The following GALNT16 variants were observed in gnomAD, a reference collection of about 807,000 sequenced individuals.
GALNT16 encodes UDP-GalNAc:polypeptide N-acetylgalactosaminyltransferase-like protein 1.
In GALNT16, 40 loss-of-function variants were observed where a neutral mutation model predicts 76.1. The ratio of observed to expected loss-of-function variants is 0.53; its 90% CI spans 0.41 to 0.68. The LOEUF is 0.68. GALNT16 is among the 30% of genes least tolerant of loss of function. GALNT16 has a pLI of 0.00. For synonymous variants in GALNT16, 276 were observed against 285.2 expected (o/e 0.97, Z 0.32); for missense variants, 621 against 731.9 (o/e 0.85, Z 1.75).
Position 69,333,802 on chromosome 14 carries a change from G to T in GALNT16, c.967+202G>T. The T allele has an allele frequency of 1.8e-6, 1 of 543,404 alleles. No individual in the cohort carries two copies. The highest frequency in any genetic ancestry group is 3.7e-5 in the Admixed American group (1 of 26,840). 33.7% of individuals were successfully genotyped at this position (543,404 alleles called of 1,614,324 possible). The stretch of plus-strand genomic sequence containing the variant: ...AAAACCCAAGGCACAGAGAAGTTAA[G>T]CAATTTGTCCAGAGCCACACAGCTA... On this transcript the variant is annotated intron_variant, in intron 9 of 14. Transcript: ENST00000448469. The surrounding 1 kb of genome is among the most constrained non-coding windows in gnomAD (Gnocchi z 4.2).
chr14:69,371,223 A>C, the GALNT16 span, among the ~76,000 whole-genome samples: 32 of 151,794 alleles, frequency 2.1e-4, no homozygotes, highest in East Asian at 4.7e-3. Flanking sequence ...ATGTTTTTAG[A>C]CTTCTTTCTG....
intron 4 of GALNT16, 86 bp downstream of exon 4, chr14:69,325,490 G>A: frequency 2.4e-6 from 2 of 842,968 alleles, no homozygotes; most frequent in South Asian, 1.3e-5. Context: ...CCCTGAGGTT[G>A]TCCTGACCAT....
downstream of GALNT16, among the ~76,000 whole-genome samples, chr14:69,359,615 AG>A (rs2045711931): frequency 6.6e-6 from 1 of 152,206 alleles, no homozygotes; most frequent in Non-Finnish European, 1.5e-5. Flanking sequence ...TGAGGAGGGG[AG>A]GCTCAGTTGA....
At chr14:69,369,132 T>A in the GALNT16 span, among the ~76,000 whole-genome samples, 1 of 152,248 alleles carries the variant, frequency 6.6e-6, no homozygotes, top group African/African-American at 2.4e-5. Context: ...GGAAGATCAA[T>A]TAGGAAACTA....
chr14:69,260,440 C>G lies in GALNT16; in HGVS notation c.150C>G (p.Leu50=), dbSNP rs760758692. The change falls in exon 1 of 15, where the codon CTC becomes CTG. Residue 50 remains leucine, a synonymous_variant. Transcript: ENST00000448469. ...AQRAGRRSEQ[L]REDRTIPLIV... Reference sequence around the variant, plus strand: ...GGGCAGGCAGGAGGTCGGAGCAGCTCCGCGAGGACCGCACCATCCCGCTCA... The same window carrying G: ...GGGCAGGCAGGAGGTCGGAGCAGCTGCGCGAGGACCGCACCATCCCGCTCA... The G allele has an allele frequency of 1.7e-4, 270 of 1,570,466 alleles. No individual in the cohort carries two copies. The highest frequency in any genetic ancestry group is 2.2e-4 in the Non-Finnish European group (259 of 1,157,454).
intron 1 of GALNT16, among the ~76,000 whole-genome samples, chr14:69,265,669 A>G (rs1277543122): frequency 1.3e-5 from 2 of 152,240 alleles, no homozygotes; most frequent in Admixed American, 6.5e-5. Flanking sequence ...GAGCAAAGAC[A>G]CAGGAGGCTA....
Position 69,352,526 on chromosome 14 carries a change from G to C in GALNT16, c.*358G>C. The C allele has an allele frequency of 5.5e-6, 1 of 183,334 alleles. No homozygotes were observed. Among genetic ancestry groups the C allele is most frequent in the Non-Finnish European group, 1.1e-5 (1 of 88,330 alleles). The allele number at this position is 183,334 out of a possible 1,614,324, so 11.4% of individuals were successfully genotyped here. On this transcript the variant is annotated 3_prime_UTR_variant, in exon 15 of 15. Coordinates refer to ENST00000448469, the MANE Select transcript of GALNT16 (RefSeq NM_001168368.2). ...TCCCTTGTTGCCCGGAGAAAGCAAG[G>C]ACAGAAGCCCACACAGGGGTCTTTT...
At chr14:69,313,533 C>A (rs1175319453) in intron 1 of GALNT16, among the ~76,000 whole-genome samples, 1 of 152,222 alleles carries the variant, frequency 6.6e-6, no homozygotes, top group Non-Finnish European at 1.5e-5. Context: ...CCTCCACTTT[C>A]TTGGTGAGAT....
rs768349799 is a variant in GALNT16 at position 69,352,062 on chromosome 14, A to T, written c.1571A>T (p.His524Leu). 1 of 1,613,930 alleles carries T rather than the reference A, an allele frequency of 6.2e-7. No individual in the cohort carries two copies. Among genetic ancestry groups the T allele is most frequent in the East Asian group, 2.2e-5 (1 of 44,886 alleles). Residue 524 changes from histidine (H) to leucine (L), a missense_variant, in exon 15 of 15, where the codon CAT (histidine) becomes CTT (leucine). Physicochemically the swap from His to Leu is moderately conservative, Grantham distance 99. Coordinates refer to ENST00000448469, the MANE Select transcript of GALNT16 (RefSeq NM_001168368.2). ...AGGAGAAAAGGATCTTTCATCCAGC[A>T]TTCAGTCAGTGGCCTCTGCCTGGAG... The part of the protein sequence containing the change: ...KWRRKGSFIQ[H>L]SVSGLCLETK...
chr14:69,365,209 G>A, the GALNT16 span, among the ~76,000 whole-genome samples: 5 of 152,192 alleles, frequency 3.3e-5, no homozygotes, highest in African/African-American at 9.7e-5. Context: ...GAGCTTTCTG[G>A]AGTTAAAGTG....
chr14:69,269,039 C>T (rs187907197), intron 1 of GALNT16, among the ~76,000 whole-genome samples: 2 of 152,368 alleles, frequency 1.3e-5, no homozygotes, highest in East Asian at 3.9e-4. Context: ...ACTCGGTGCA[C>T]AGGCTGGTAA....
intron 1 of GALNT16, among the ~76,000 whole-genome samples, chr14:69,271,399 C>T (rs2044405913): frequency 6.6e-6 from 1 of 152,152 alleles, no homozygotes; most frequent in Non-Finnish European, 1.5e-5. Flanking sequence ...AGGGCCCTGG[C>T]AGAGAGGAAA....
intron 1 of GALNT16, 73 bp downstream of exon 1, chr14:69,260,540 A>C: frequency 9.1e-7 from 1 of 1,103,472 alleles, no homozygotes; most frequent in Non-Finnish European, 1.1e-6. Context: ...GCGGCGGCCG[A>C]GGGCGCGGGG....
chr14:69,383,339 A>T, the GALNT16 span, among the ~76,000 whole-genome samples: 25 of 152,332 alleles, frequency 1.6e-4, no homozygotes, highest in South Asian at 1.4e-3. Context: ...GAATTAATTT[A>T]AAAAAGTCCT....
At chr14:69,344,350 G>T (rs988543468) in intron 12 of GALNT16, among the ~76,000 whole-genome samples, 5 of 152,264 alleles carry the variant, frequency 3.3e-5, no homozygotes, top group Admixed American at 2.0e-4. Context: ...GCACATTCAT[G>T]ACACTAATTC....
chr14:69,374,631 GTA>G, the GALNT16 span, among the ~76,000 whole-genome samples: 22 of 152,196 alleles, frequency 1.4e-4, no homozygotes, highest in Non-Finnish European at 2.8e-4. Flanking sequence ...AACAGTAGTG[GTA>G]TATTGCACAT....
chr14:69,333,833 C>T lies in GALNT16; in HGVS notation c.967+233C>T. 1 of 502,124 alleles carries T rather than the reference C, an allele frequency of 2.0e-6. No homozygotes were observed. Among genetic ancestry groups the T allele is most frequent in the South Asian group, 2.5e-5 (1 of 39,598 alleles). The allele number at this position is 502,124 out of a possible 1,614,324, so 31.1% of individuals were successfully genotyped here. On this transcript the variant is annotated intron_variant, in intron 9 of 14. Transcript: ENST00000448469. The surrounding 1 kb of genome is among the most constrained non-coding windows in gnomAD (Gnocchi z 4.2). ...TGTCCAGAGCCACACAGCTAGTAAA[C>T]AAAGAGGTTCTATTTAGGGGGAGCC...
At chr14:69,386,191 G>A in the GALNT16 span, among the ~76,000 whole-genome samples, 1 of 152,204 alleles carries the variant, frequency 6.6e-6, no homozygotes, top group African/African-American at 2.4e-5. Flanking sequence ...GGAACTTTTG[G>A]GGAGACAGCA....
chr14:69,328,183 TTCA>T (rs1251039608), intron 5 of GALNT16, among the ~76,000 whole-genome samples: 2 of 152,108 alleles, frequency 1.3e-5, no homozygotes, highest in Admixed American at 1.3e-4. Context: ...ACTGTGACTG[TTCA>T]TCAGTGTGTC....
Sources: allele counts gnomAD v4.1 joint callset (sites outside exome capture counted in the v4.1 genomes callset), GRCh38; gene constraint gnomAD v4.1.1; non-coding constraint Gnocchi (gnomAD v3.1); transcripts MANE v1.5; gene names NCBI Gene and HGNC (gene_info 2026-07-23, HGNC 2026-07-21).